ST6GALNAC5: variants seen among roughly 807,000 people sequenced by gnomAD.
ST6GALNAC5 encodes alpha-N-acetylgalactosaminide alpha-2,6-sialyltransferase 5.
ST6GALNAC5 carries 27 observed loss-of-function variants against 33.6 expected under a neutral mutation model. That is an observed-to-expected ratio of 0.80 (90% CI 0.59 to 1.11). ST6GALNAC5 has a LOEUF of 1.11. Ranked by LOEUF, ST6GALNAC5 falls within the 50% of genes least tolerant of loss-of-function variation. ST6GALNAC5 has a pLI of 0.00. For missense variants in ST6GALNAC5, 428 were observed against 454.0 expected, an observed-to-expected ratio of 0.94 and a Z score of 0.52; for synonymous variants, 194 against 171.2, an observed-to-expected ratio of 1.13 and a Z score of -1.04.
intron 2 of ST6GALNAC5, among the ~76,000 whole-genome samples, chr1:76,899,223 C>T (rs1489133327): frequency 6.6e-6 from 1 of 151,866 alleles, no homozygotes; most frequent in Non-Finnish European, 1.5e-5. Context: ...TTCTTAAGAA[C>T]ACAGGCTAAG....
chr1:76,885,677 A>C (rs1653876725), intron 2 of ST6GALNAC5, among the ~76,000 whole-genome samples: 1 of 152,226 alleles, frequency 6.6e-6, no homozygotes, highest in Non-Finnish European at 1.5e-5. Context: ...ACTTACGCTA[A>C]ATTATCCATT....
chr1:76,967,760 C>T (rs1220458972), intron 2 of ST6GALNAC5, among the ~76,000 whole-genome samples: 1 of 152,048 alleles, frequency 6.6e-6, no homozygotes, highest in African/African-American at 2.4e-5. Context: ...TAAATGTGTC[C>T]CAGAGATTCT....
intron 2 of ST6GALNAC5, among the ~76,000 whole-genome samples, chr1:76,978,319 G>T (rs1338826185): frequency 6.6e-6 from 1 of 151,974 alleles, no homozygotes; most frequent in Non-Finnish European, 1.5e-5. Context: ...AAGCTCTTTA[G>T]TTTGATGTAA....
At chr1:76,990,881 G>A (rs1649696186) in intron 2 of ST6GALNAC5, among the ~76,000 whole-genome samples, 1 of 152,148 alleles carries the variant, frequency 6.6e-6, no homozygotes, top group Non-Finnish European at 1.5e-5. Context: ...TAATGGCAGA[G>A]AGCCTTTACC....
chr1:76,921,319 T>C (rs1255777623), intron 2 of ST6GALNAC5, among the ~76,000 whole-genome samples: 1 of 152,070 alleles, frequency 6.6e-6, no homozygotes, highest in Admixed American at 6.6e-5. Flanking sequence ...GAAAAGGGGC[T>C]CTTCTTTTCC....
At position 76,924,247 on chromosome 1, in the gene ST6GALNAC5, C is replaced by T. The variant is rs114582445; in HGVS notation, c.261+55505C>T. 9.0e-3 allele frequency among the ~76,000 whole-genome samples: 1,375 copies of T among 152,176 alleles called. 15 individuals carry two copies. Among genetic ancestry groups the T allele is most frequent in the Admixed American group, 0.015 (223 of 15,284 alleles). ...AGCCCTTCCATTCCAATTTCAACTG[C>T]GAGATGTGAAATGCAGCACATTGAA... On this transcript the variant is annotated intron_variant, in intron 2 of 4. Coordinates refer to ENST00000477717, the MANE Select transcript of ST6GALNAC5 (RefSeq NM_030965.3).
intron 4 of ST6GALNAC5, among the ~76,000 whole-genome samples, chr1:77,052,431 G>A (rs1423359458): frequency 1.3e-5 from 2 of 152,140 alleles, no homozygotes; most frequent in Non-Finnish European, 2.9e-5. Context: ...TTGTAAAATG[G>A]GGATAAGAAA....
At chr1:76,950,823 C>T (rs1647713853) in intron 2 of ST6GALNAC5, among the ~76,000 whole-genome samples, 1 of 152,116 alleles carries the variant, frequency 6.6e-6, no homozygotes, top group South Asian at 2.1e-4. Flanking sequence ...TGAAGCCAAA[C>T]AGCACATCAG....
At chr1:76,930,697 T>C (rs1043142097) in intron 2 of ST6GALNAC5, among the ~76,000 whole-genome samples, 2 of 152,150 alleles carry the variant, frequency 1.3e-5, no homozygotes, top group Non-Finnish European at 2.9e-5. Context: ...ATCTAACATA[T>C]GAAAACTCAA....
At chr1:76,911,889 T>G (rs1646917576) in intron 2 of ST6GALNAC5, among the ~76,000 whole-genome samples, 1 of 152,180 alleles carries the variant, frequency 6.6e-6, no homozygotes. Context: ...CTGGATTCAT[T>G]AATTTTTTGA....
intron 2 of ST6GALNAC5, among the ~76,000 whole-genome samples, chr1:77,042,869 T>C (rs192153453): frequency 8.9e-4 from 136 of 152,258 alleles, no homozygotes; most frequent in Non-Finnish European, 1.5e-3. Flanking sequence ...TTGTGGAGGT[T>C]AGTGTCTTAC....
chr1:77,048,011 A>G (rs1444166293), intron 3 of ST6GALNAC5, among the ~76,000 whole-genome samples: 2 of 152,256 alleles, frequency 1.3e-5, no homozygotes, highest in Non-Finnish European at 2.9e-5. Flanking sequence ...TTGCATTTCT[A>G]TAGCACGTGA....
intron 2 of ST6GALNAC5, among the ~76,000 whole-genome samples, chr1:77,014,462 C>T (rs1334337892): frequency 2.0e-5 from 3 of 152,118 alleles, no homozygotes; most frequent in African/African-American, 7.2e-5. Context: ...AAAGGAAGGT[C>T]CCCCCACCCA....
chr1:76,982,989 T>C (rs576209325), intron 2 of ST6GALNAC5, among the ~76,000 whole-genome samples: 11 of 151,976 alleles, frequency 7.2e-5, no homozygotes, highest in African/African-American at 2.4e-4. Context: ...CCAGGCCTGC[T>C]TTACAAGAGC....
At chr1:76,943,261 T>C (rs1422308165) in intron 2 of ST6GALNAC5, among the ~76,000 whole-genome samples, 2 of 152,138 alleles carry the variant, frequency 1.3e-5, no homozygotes, top group African/African-American at 4.8e-5. Flanking sequence ...AAGGACATTA[T>C]GTATGAGTTG....
chr1:76,990,377 T>C (rs1026696892), intron 2 of ST6GALNAC5, among the ~76,000 whole-genome samples: 5 of 152,344 alleles, frequency 3.3e-5, no homozygotes, highest in Non-Finnish European at 7.3e-5. Flanking sequence ...TTGATGGTTC[T>C]GAGCATGAAC....
intron 4 of ST6GALNAC5, among the ~76,000 whole-genome samples, chr1:77,062,013 T>A (rs967492125): frequency 2.3e-4 from 35 of 152,132 alleles, no homozygotes; most frequent in Non-Finnish European, 2.9e-5. Flanking sequence ...CTGTCTTCCT[T>A]TTTCTCCCAT....
chr1:76,965,546 A>C (rs1248573353), intron 2 of ST6GALNAC5, among the ~76,000 whole-genome samples: 1 of 152,142 alleles, frequency 6.6e-6, no homozygotes, highest in Non-Finnish European at 1.5e-5. Flanking sequence ...ATTTTCTCCC[A>C]TTCTCTATAT....
intron 2 of ST6GALNAC5, among the ~76,000 whole-genome samples, chr1:76,939,423 G>C (rs1242103841): frequency 1.3e-5 from 2 of 151,982 alleles, no homozygotes; most frequent in Non-Finnish European, 2.9e-5. Flanking sequence ...ACCCACTGTC[G>C]ATGGAAATGC....
Sources: allele counts gnomAD v4.1 joint callset (sites outside exome capture counted in the v4.1 genomes callset), GRCh38; gene constraint gnomAD v4.1.1; transcripts MANE v1.5; gene names NCBI Gene and HGNC (gene_info 2026-07-23, HGNC 2026-07-21).